Variants in PSMC6 observed in about 807,000 individuals in gnomAD.
PSMC6 encodes the protein 26S proteasome regulatory subunit 10B.
PSMC6 carries 3 observed loss-of-function variants against 55.9 expected under a neutral mutation model. The observed-to-expected ratio is 0.05, with a 90% CI of 0.02 to 0.14. PSMC6 has a LOEUF of 0.14. Among genes scored for constraint, PSMC6 ranks in the 10% least tolerant of loss-of-function variants. PSMC6 has a pLI of 1.00. For missense variants in PSMC6, 210 were observed against 478.7 expected (o/e 0.44, Z 5.24); for synonymous variants, 137 against 155.9 (o/e 0.88, Z 0.90).
intron 13 of PSMC6, 29 bp from the exon 14 acceptor site, chr14:52,727,470 T>C (rs749599196): frequency 1.1e-5 from 15 of 1,359,254 alleles, no homozygotes; most frequent in Non-Finnish European, 1.6e-5. Context: ...ATGTGATATA[T>C]AGCAGTCATG....
intron 4 of PSMC6, chr14:52,710,664 C>T (rs528707406): frequency 4.4e-5 from 8 of 183,370 alleles, no homozygotes; most frequent in East Asian, 1.7e-4. Context: ...AAGGGGAAAC[C>T]GTGCATTTTT....
At position 52,728,562 on chromosome 14, in the gene PSMC6, C is replaced by T. The variant is rs1273277712; in HGVS notation, c.*945C>T. On this transcript the variant is annotated 3_prime_UTR_variant, in exon 14 of 14. Transcript: ENST00000445930. Reference sequence around the variant, plus strand: ...TGTTACCTATACATGATTCTTATATCATCTGGCAATAAAAGCTATAACAAA... The same window carrying T: ...TGTTACCTATACATGATTCTTATATTATCTGGCAATAAAAGCTATAACAAA... 1.3e-5 allele frequency: 2 copies of T among 152,150 alleles called. No individual in the cohort carries two copies. Among genetic ancestry groups the T allele is most frequent in the African/African-American group, 4.8e-5 (2 of 41,410 alleles). The allele number at this position is 152,150 out of a possible 1,614,324, so 9.4% of individuals were successfully genotyped here.
intron 13 of PSMC6, among the ~76,000 whole-genome samples, chr14:52,725,702 G>C (rs1880382244): frequency 1.3e-5 from 2 of 152,156 alleles, no homozygotes; most frequent in Non-Finnish European, 2.9e-5. Flanking sequence ...TTTTTGTAGA[G>C]ACGGGTTTCA....
chr14:52,718,525 A>G, intron 9 of PSMC6, 173 bp downstream of exon 9: 1 of 679,898 alleles, frequency 1.5e-6, no homozygotes, highest in Admixed American at 3.2e-5. Flanking sequence ...GTGGTGGCTC[A>G]TGCCTGTAAT....
intron 12 of PSMC6, chr14:52,722,020 A>G (rs1880205027): frequency 6.6e-6 from 1 of 152,352 alleles, no homozygotes; most frequent in African/African-American, 2.4e-5. Flanking sequence ...CGGCCACCCA[A>G]AGTTCTGGGA....
At chr14:52,711,348 C>T (rs752593523) in intron 5 of PSMC6, 62 bp from the exon 6 acceptor site, 2 of 1,390,718 alleles carry the variant, frequency 1.4e-6, no homozygotes, top group Non-Finnish European at 2.0e-6. Context: ...TATTTATATG[C>T]TATCTGTAGG....
intron 10 of PSMC6, among the ~76,000 whole-genome samples, chr14:52,720,100 G>C (rs1260601023): frequency 6.6e-6 from 1 of 151,806 alleles, no homozygotes; most frequent in East Asian, 1.9e-4. Flanking sequence ...GCGTGTGCCT[G>C]TAATCCCAGT....
rs372491271 is a variant in PSMC6 at position 52,727,805 on chromosome 14, G to A, written c.*188G>A. 2.7e-5 allele frequency: 12 copies of A among 439,296 alleles called. No individual in the cohort carries two copies. Among genetic ancestry groups the A allele is most frequent in the Non-Finnish European group, 4.5e-5 (11 of 245,076 alleles). 27.2% of individuals were successfully genotyped at this position (439,296 alleles called of 1,614,324 possible). A position where few individuals can be genotyped will look rare whatever the true frequency, so the allele number is the denominator to read the frequency against. On this transcript the variant is annotated 3_prime_UTR_variant, in exon 14 of 14. Transcript: ENST00000445930. ...AGAAATTTGTATGTTTGTTAAAGTT[G>A]CATTTATTGCAGCAAGTTACAAAGG...
At chr14:52,718,448 A>G (rs1389856108) in intron 9 of PSMC6, 96 bp downstream of exon 9, 1 of 1,281,296 alleles carries the variant, frequency 7.8e-7, no homozygotes, top group East Asian at 2.3e-5. Flanking sequence ...ACTTGTATGA[A>G]GTAGATACCA....
At chr14:52,718,386 CT>C (rs769634775) in intron 9 of PSMC6, 34 bp downstream of exon 9, 44 of 1,582,326 alleles carry the variant, frequency 2.8e-5, no homozygotes, top group Admixed American at 5.6e-5. Flanking sequence ...AGTTTTAGGA[CT>C]TTTTTTTAAA....
chr14:52,719,873 T>C (rs1414179870), intron 10 of PSMC6, among the ~76,000 whole-genome samples: 2 of 152,174 alleles, frequency 1.3e-5, no homozygotes, highest in African/African-American at 4.8e-5. Context: ...AAGAAAACTT[T>C]AGAAATTGAG....
At chr14:52,724,952 C>T (rs1408380007) in intron 13 of PSMC6, among the ~76,000 whole-genome samples, 1 of 152,190 alleles carries the variant, frequency 6.6e-6, no homozygotes, top group Non-Finnish European at 1.5e-5. Flanking sequence ...GAGGGCTTCT[C>T]AGTACAGGTA....
rs535479126 is a variant in PSMC6, at chr14:52,709,821, G to A, written c.258+1005G>A. 566 of 216,558 alleles carry A rather than the reference G, an allele frequency of 2.6e-3. 2 individuals carry two copies. The highest frequency in any genetic ancestry group is 4.5e-3 in the Non-Finnish European group (473 of 105,878). The allele number at this position is 216,558 out of a possible 1,614,324, so 13.4% of individuals were successfully genotyped here. A position where few individuals can be genotyped will look rare whatever the true frequency, so the allele number is the denominator to read the frequency against. ...AAAAATCAAAAGTTTGAAATGCTCC[G>A]ATGAGCATTTTCTTTGAGCATCATG... On this transcript the variant is annotated intron_variant, in intron 4 of 13. Transcript: ENST00000445930.
At chr14:52,717,139 C>T (rs1158415339) in intron 7 of PSMC6, among the ~76,000 whole-genome samples, 1 of 152,086 alleles carries the variant, frequency 6.6e-6, no homozygotes, top group Non-Finnish European at 1.5e-5. Context: ...TTTAAATGTT[C>T]TAACCACAAA....
In PSMC6 at chr14:52,727,550, T is replaced by C; in HGVS notation, c.1103T>C (p.Met368Thr). ...DHDFVVQEDF[M>T]KAVRKVADSK... ...GATTTTGTAGTACAGGAAGACTTCA[T>C]GAAAGCAGTCAGAAAAGTGGCTGAT... The change falls in exon 14 of 14, where the codon ATG becomes ACG. Residue 368 changes from methionine (M) to threonine (T), a missense_variant. Physicochemically the swap from Met to Thr is moderately conservative, Grantham distance 81 (BLOSUM62 -1). Transcript: ENST00000445930. 2 of 1,611,892 alleles carry C rather than the reference T, an allele frequency of 1.2e-6. No individual in the cohort carries two copies. Among genetic ancestry groups the C allele is most frequent in the Non-Finnish European group, 1.7e-6 (2 of 1,179,746 alleles).
At chr14:52,707,728 A>G (rs2041719381) in intron 1 of PSMC6, among the ~76,000 whole-genome samples, 1 of 152,208 alleles carries the variant, frequency 6.6e-6, no homozygotes, top group Non-Finnish European at 1.5e-5. Flanking sequence ...GCGGAGCTTA[A>G]GAGAGAAGTG....
At chr14:52,714,010 A>G in intron 7 of PSMC6, 42 bp downstream of exon 7, 2 of 1,173,488 alleles carry the variant, frequency 1.7e-6, no homozygotes, top group Non-Finnish European at 2.5e-6. Flanking sequence ...AAGATAAATG[A>G]ATTAAGGAAT....
intron 7 of PSMC6, among the ~76,000 whole-genome samples, chr14:52,716,062 A>G (rs577439377): frequency 4.6e-5 from 7 of 152,366 alleles, no homozygotes; most frequent in South Asian, 2.1e-4. Flanking sequence ...CAAATAATCA[A>G]TGCTTGATAT....
chr14:52,727,359 T>C, intron 13 of PSMC6, 140 bp from the exon 14 acceptor site: 1 of 639,266 alleles, frequency 1.6e-6, no homozygotes, highest in Non-Finnish European at 2.6e-6. Context: ...AGATAGTGGT[T>C]TTTAGCAAAT....
Sources: allele counts gnomAD v4.1 joint callset (sites outside exome capture counted in the v4.1 genomes callset), GRCh38; gene constraint gnomAD v4.1.1; transcripts MANE v1.5; gene names NCBI Gene and HGNC (gene_info 2026-07-23, HGNC 2026-07-21).